Variants in KCNJ3 observed in about 807,000 individuals in gnomAD.
The protein encoded by KCNJ3 is potassium inwardly rectifying channel subfamily J member 3.
A neutral mutation model predicts 39.2 loss-of-function variants in KCNJ3; 4 were observed. The observed-to-expected ratio is 0.10, with a 90% CI of 0.05 to 0.23. The LOEUF (loss-of-function observed/expected upper bound fraction) is 0.23. KCNJ3 is among the 10% of genes least tolerant of loss of function. The probability of loss-of-function intolerance (pLI) is 1.00; values close to 1 mark genes in which losing one functional copy is unlikely to be tolerated. For missense variants in KCNJ3, 276 were observed against 634.9 expected (o/e 0.43, Z 6.08); for synonymous variants, 230 against 237.4 (o/e 0.97, Z 0.29).
At chr2:154,755,977 A>G (rs534765110) in intron 2 of KCNJ3, among the ~76,000 whole-genome samples, 9 of 152,088 alleles carry the variant, frequency 5.9e-5, no homozygotes, top group Non-Finnish European at 1.3e-4. Context: ...TAAATATGCC[A>G]TTTTTCTTGC....
chr2:154,727,153 G>A (rs1392399685), intron 2 of KCNJ3, among the ~76,000 whole-genome samples: 1 of 151,972 alleles, frequency 6.6e-6, no homozygotes, highest in Non-Finnish European at 1.5e-5. Flanking sequence ...GTTCAAAAAC[G>A]TATGGAAATA....
chr2:154,747,101 T>A, intron 2 of KCNJ3, among the ~76,000 whole-genome samples: 1 of 152,020 alleles, frequency 6.6e-6, no homozygotes, highest in East Asian at 1.9e-4. Context: ...GAGAGTTGTG[T>A]TTTATAGTTA....
At chr2:154,754,905 T>C (rs774324905) in intron 2 of KCNJ3, among the ~76,000 whole-genome samples, 7 of 152,176 alleles carry the variant, frequency 4.6e-5, no homozygotes, top group Non-Finnish European at 1.0e-4. Context: ...ATTGCAAATA[T>C]AATTTTTAAA....
At chr2:154,853,960 G>A (rs1174710056) in intron 2 of KCNJ3, among the ~76,000 whole-genome samples, 1 of 152,128 alleles carries the variant, frequency 6.6e-6, no homozygotes, top group African/African-American at 2.4e-5. Flanking sequence ...TTAGCATATG[G>A]ATTTCTGAAA....
chr2:154,706,811 A>T (rs1445289894), intron 1 of KCNJ3, among the ~76,000 whole-genome samples: 1 of 152,130 alleles, frequency 6.6e-6, no homozygotes, highest in Non-Finnish European at 1.5e-5. Context: ...CTGCTAAGAT[A>T]AGTTCGCTGT....
At chr2:154,744,660 T>C (rs578238034) in intron 2 of KCNJ3, among the ~76,000 whole-genome samples, 15 of 151,864 alleles carry the variant, frequency 9.9e-5, no homozygotes, top group Non-Finnish European at 1.8e-4. Context: ...GCATTGTCTA[T>C]AGTGATATCC....
chr2:154,726,834 CA>C (rs754875773), intron 2 of KCNJ3, among the ~76,000 whole-genome samples: 24,531 of 139,666 alleles, frequency 0.18, 2,530 homozygotes, highest in Non-Finnish European at 0.25. Flanking sequence ...CACACACACA[CA>C]TACACCATGG....
intron 2 of KCNJ3, among the ~76,000 whole-genome samples, chr2:154,823,401 AC>A (rs1233623392): frequency 5.9e-5 from 6 of 101,762 alleles, no homozygotes; most frequent in African/African-American, 1.6e-4. Flanking sequence ...GAAACTTTCC[AC>A]ATTCTTTTTT....
At chr2:154,717,601 G>C (rs939665537) in intron 2 of KCNJ3, among the ~76,000 whole-genome samples, 2 of 152,116 alleles carry the variant, frequency 1.3e-5, no homozygotes, top group Non-Finnish European at 2.9e-5. Context: ...CCGAAGTTCT[G>C]TAGGCTACTT....
chr2:154,770,450 G>A lies in KCNJ3; in HGVS notation c.919+60631G>A, dbSNP rs573492603. Among the ~76,000 whole-genome samples, 10 of 151,042 alleles carry A rather than the reference G, an allele frequency of 6.6e-5. No individual in the cohort carries two copies. In the South Asian group the frequency reaches 8.4e-4, roughly 13 times the overall value. ...GAGAAATGGGATTTTTTTTTTTGCC[G>A]CAATTTCTTCTTTTTCTCTTTCTTT... On this transcript the variant is annotated intron_variant, in intron 2 of 2. Coordinates refer to ENST00000295101, the MANE Select transcript of KCNJ3 (RefSeq NM_002239.4).
intron 2 of KCNJ3, among the ~76,000 whole-genome samples, chr2:154,820,152 C>T (rs752849149): frequency 6.6e-5 from 10 of 152,076 alleles, no homozygotes; most frequent in Non-Finnish European, 1.5e-4. Flanking sequence ...AATTCAAATT[C>T]CACCAGTTGT....
intron 2 of KCNJ3, among the ~76,000 whole-genome samples, chr2:154,830,736 A>G (rs909708914): frequency 2.6e-5 from 4 of 151,806 alleles, no homozygotes; most frequent in Middle Eastern, 3.4e-3. Context: ...GTTTAATGGC[A>G]CATGATTAGA....
At chr2:154,740,652 T>C (rs1300946627) in intron 2 of KCNJ3, among the ~76,000 whole-genome samples, 1 of 152,008 alleles carries the variant, frequency 6.6e-6, no homozygotes, top group Non-Finnish European at 1.5e-5. Flanking sequence ...CTTTTGCTTT[T>C]AAAGAGTCTG....
intron 2 of KCNJ3, among the ~76,000 whole-genome samples, chr2:154,837,252 A>G (rs757178964): frequency 7.8e-6 from 1 of 128,380 alleles, no homozygotes; most frequent in African/African-American, 2.6e-5. Flanking sequence ...CAGCAAATGT[A>G]TCTTACTTTT....
intron 2 of KCNJ3, among the ~76,000 whole-genome samples, chr2:154,746,252 T>C (rs1198418298): frequency 6.6e-6 from 1 of 152,000 alleles, no homozygotes; most frequent in East Asian, 1.9e-4. Flanking sequence ...GTTAAAGTTA[T>C]TGATAAGGTT....
At chr2:154,783,321 C>T (rs1686472818) in intron 2 of KCNJ3, among the ~76,000 whole-genome samples, 1 of 152,142 alleles carries the variant, frequency 6.6e-6, no homozygotes, top group South Asian at 2.1e-4. Context: ...TTGCATAACT[C>T]AGGTTTTTAA....
intron 2 of KCNJ3, among the ~76,000 whole-genome samples, chr2:154,740,388 T>A (rs530590367): frequency 2.0e-5 from 3 of 152,050 alleles, no homozygotes; most frequent in African/African-American, 7.2e-5. Context: ...TTTCTGTTAG[T>A]AGAATTTTAG....
Position 154,712,518 on chromosome 2 carries a change from T to C in KCNJ3, c.919+2699T>C, listed in dbSNP as rs189538383. On this transcript the variant is annotated intron_variant, in intron 2 of 2. Transcript: ENST00000295101. ...CAGCTTTTCATCTTTCAGTCACTCATGTATTAGATAAGTATGTATCGAATG... is the reference window on the plus strand; with the variant it reads ...CAGCTTTTCATCTTTCAGTCACTCACGTATTAGATAAGTATGTATCGAATG... Among the ~76,000 whole-genome samples the C allele has an allele frequency of 1.8e-4, 27 of 152,334 alleles. 1 individual carries two copies. The East Asian group carries it at 3.1e-3, about 17-fold the overall frequency.
Position 154,699,522 on chromosome 2 carries a change from C to G in KCNJ3, c.702+45C>G. 2.6e-6 allele frequency: 4 copies of G among 1,512,392 alleles called. No homozygotes were observed. Among genetic ancestry groups the G allele is most frequent in the Non-Finnish European group, 3.5e-6 (4 of 1,133,126 alleles). 93.7% of individuals were successfully genotyped at this position (1,512,392 alleles called of 1,614,324 possible). On this transcript the variant is annotated intron_variant, in intron 1 of 2. Transcript: ENST00000295101. This position sits in a 1 kb window ranked among gnomAD's most constrained non-coding sequence, Gnocchi z 6.4. ...TCCCCACCGGGAGACCTGCGTCCCCCAAACCCGCGGAGTAACTCGTCTGAG... is the reference window on the plus strand; with the variant it reads ...TCCCCACCGGGAGACCTGCGTCCCCGAAACCCGCGGAGTAACTCGTCTGAG...
Sources: gnomAD v4.1 joint callset for allele counts (sites outside exome capture counted in the v4.1 genomes callset) on GRCh38, gnomAD v4.1.1 for gene constraint, Gnocchi (gnomAD v3.1) non-coding constraint, MANE v1.5 for transcripts, NCBI Gene and HGNC (gene_info 2026-07-23, HGNC 2026-07-21) for gene names.